The following KIF21A variants were observed in gnomAD, a reference collection of about 807,000 sequenced individuals.
KIF21A encodes kinesin-like protein KIF21A.
KIF21A carries 114 observed loss-of-function variants against 202.9 expected under a neutral mutation model. The ratio of observed to expected loss-of-function variants is 0.56; its 90% CI spans 0.48 to 0.66. The LOEUF is 0.66. Among genes scored for constraint, KIF21A ranks in the 30% least tolerant of loss-of-function variants. KIF21A has a pLI of 0.00. For missense variants in KIF21A, 1,677 were observed against 1,994.9 expected, an observed-to-expected ratio of 0.84 and a Z score of 3.04; for synonymous variants, 667 against 670.8, an observed-to-expected ratio of 0.99 and a Z score of 0.09.
chr12:39,370,180 G>T lies in KIF21A; in HGVS notation c.126C>A (p.Phe42Leu). The T allele has an allele frequency of 6.2e-7, 1 of 1,613,618 alleles. No individual in the cohort carries two copies. ...TSVTPGEPQV[F>L]LGKDKAFTFD... The stretch of plus-strand genomic sequence containing the variant: ...AAGTAAAAGCCTTATCTTTCCCTAG[G>T]AAGACCTGAGGCTCTCCTGGTGTGA... The change falls in exon 2 of 38, where the codon TTC becomes TTA. Residue 42 changes from phenylalanine (F) to leucine (L), a missense_variant. Coordinates refer to ENST00000361418, the MANE Select transcript of KIF21A (RefSeq NM_001173464.2).
chr12:39,357,256 G>A lies in KIF21A; in HGVS notation c.1397C>T (p.Ala466Val), dbSNP rs778178203. Residue 466 changes from alanine to valine, a missense_variant, in exon 9 of 38, where the codon GCC becomes GTC. Ala to Val is a moderately conservative substitution (Grantham distance 64). This residue lies in a region of KIF21A where 966 missense variants were observed against 1,180.9 expected (regional missense o/e 0.82). Transcript: ENST00000361418. ...LVSDQANHVL[A>V]RAGEGNEEIS... ...CCACCCTACCCACATACCTGCTCTG[G>A]CAAGAACATGGTTGGCCTGATCACT... is the stretch of plus-strand genomic sequence containing the variant. 6.2e-7 allele frequency: 1 copy of A among 1,613,920 alleles called. No homozygotes were observed. Among genetic ancestry groups the A allele is most frequent in the Admixed American group, 1.7e-5 (1 of 60,012 alleles).
At chr12:39,434,179 T>C (rs1938358473) in intron 1 of KIF21A, among the ~76,000 whole-genome samples, 1 of 152,188 alleles carries the variant, frequency 6.6e-6, no homozygotes, top group African/African-American at 2.4e-5. Flanking sequence ...GCACGGTCTT[T>C]CTTGCTGCCT....
intron 1 of KIF21A, among the ~76,000 whole-genome samples, chr12:39,441,650 C>T (rs1374429092): frequency 1.7e-4 from 2 of 11,768 alleles, no homozygotes; most frequent in East Asian, 1.2e-3. Context: ...ACTGTCACCT[C>T]CCTGGGTGGT....
At chr12:39,335,733 T>C (rs1946908301) in intron 17 of KIF21A, among the ~76,000 whole-genome samples, 1 of 152,230 alleles carries the variant, frequency 6.6e-6, no homozygotes, top group Non-Finnish European at 1.5e-5. Flanking sequence ...TGTTAGAATG[T>C]GCTTCTACTT....
intron 1 of KIF21A, among the ~76,000 whole-genome samples, chr12:39,435,231 G>A (rs562475169): frequency 6.6e-6 from 1 of 152,304 alleles, no homozygotes; most frequent in Admixed American, 6.5e-5. Flanking sequence ...AATCCTGAAT[G>A]ACCTTTATTA....
intron 1 of KIF21A, among the ~76,000 whole-genome samples, chr12:39,372,859 C>T (rs192923437): frequency 6.6e-5 from 10 of 152,248 alleles, no homozygotes; most frequent in East Asian, 1.9e-4. Context: ...ATTGTTGCCA[C>T]GCCAGAAATA....
At chr12:39,439,746 C>A (rs923447160) in intron 1 of KIF21A, among the ~76,000 whole-genome samples, 2 of 152,092 alleles carry the variant, frequency 1.3e-5, no homozygotes, top group African/African-American at 4.8e-5. Context: ...CTGAAAGAAA[C>A]CCCACAGAAC....
intron 17 of KIF21A, among the ~76,000 whole-genome samples, chr12:39,335,661 T>G (rs1946901860): frequency 6.6e-6 from 1 of 152,154 alleles, no homozygotes. Context: ...AAAAGGTAAA[T>G]TTTAGGATAA....
In KIF21A at chr12:39,318,183, T is replaced by C. The variant is rs747660559; in HGVS notation, c.3798A>G (p.Ser1266=). The C allele has an allele frequency of 1.9e-6, 3 of 1,613,490 alleles. No homozygotes were observed. Among genetic ancestry groups the C allele is most frequent in the Non-Finnish European group, 2.5e-6 (3 of 1,179,516 alleles). The change falls in exon 29 of 38, where the codon TCA becomes TCG. Residue 1266 remains serine, a synonymous_variant. Transcript: ENST00000361418. ...AAGAAGGAGGTGAAAGACTAGCCTC[T>C]GAAGTTCCAGAATCTGAGCTACAAG... The part of the protein sequence containing the change: ...KEQKHSDSGT[S]EASLSPPSSP...
chr12:39,360,880 T>C (rs1949155962), intron 7 of KIF21A, among the ~76,000 whole-genome samples: 2 of 152,242 alleles, frequency 1.3e-5, no homozygotes, highest in Non-Finnish European at 2.9e-5. Context: ...GTCTAATTTT[T>C]CTTTTAAGTT....
chr12:39,366,500 A>G lies in KIF21A; in HGVS notation c.753T>C (p.Asn251=). The G allele has an allele frequency of 6.2e-7, 1 of 1,608,356 alleles. No individual in the cohort carries two copies. Among genetic ancestry groups the G allele is most frequent in the Non-Finnish European group, 8.5e-7 (1 of 1,174,996 alleles). ...PQIDADNATD[N]KIISESAQMN... is the part of the protein sequence containing the mutation. ...TCTGTGCTGATTCAGAAATAATTTT[A>G]TTATCAGTTGCATTGTCCTGAAATT... The change falls in exon 6 of 38, where the codon AAT becomes AAC. Residue 251 remains asparagine, a synonymous_variant. Coordinates refer to ENST00000361418, the MANE Select transcript of KIF21A (RefSeq NM_001173464.2).
intron 11 of KIF21A, among the ~76,000 whole-genome samples, chr12:39,351,276 C>T (rs1167670136): frequency 5.9e-5 from 9 of 152,052 alleles, no homozygotes; most frequent in African/African-American, 2.2e-4. Flanking sequence ...ATAATTTTCA[C>T]ATAATCAAAT....
intron 1 of KIF21A, among the ~76,000 whole-genome samples, chr12:39,415,548 C>G (rs1592640185): frequency 6.6e-6 from 1 of 152,272 alleles, no homozygotes; most frequent in East Asian, 1.9e-4. Context: ...TGAGCCGCCG[C>G]GCCCGGCCGA....
intron 16 of KIF21A, among the ~76,000 whole-genome samples, chr12:39,337,896 C>T (rs750925488): frequency 5.9e-5 from 9 of 152,114 alleles, no homozygotes; most frequent in Admixed American, 1.3e-4. Context: ...TGCTGCTAGT[C>T]ATATTAAGTA....
intron 30 of KIF21A, 103 bp from the exon 31 acceptor site, chr12:39,315,343 G>C (rs1398607186): frequency 9.5e-7 from 1 of 1,056,270 alleles, no homozygotes; most frequent in Non-Finnish European, 1.4e-6. Flanking sequence ...GAGAGAAAGA[G>C]AAAGAGAAGT....
chr12:39,441,548 T>C (rs1284611746), intron 1 of KIF21A, among the ~76,000 whole-genome samples: 1 of 150,278 alleles, frequency 6.7e-6, no homozygotes, highest in Admixed American at 6.7e-5. Context: ...AACAGACTAA[T>C]CTAACAATTG....
chr12:39,407,403 C>A (rs1339260096), intron 1 of KIF21A, among the ~76,000 whole-genome samples: 2 of 152,146 alleles, frequency 1.3e-5, no homozygotes. Context: ...ATTCCTCATT[C>A]TCTCCTGTAC....
chr12:39,322,676 T>C lies in KIF21A; in HGVS notation c.3663A>G (p.Ile1221Met). The stretch of plus-strand genomic sequence containing the variant: ...AGCTGGGCCAAACTTACATGCTGCC[T>C]ATCTTAGAAGGTAAGCCAGGTGGGG... ...LSPPPGLPSKIGSISRQSSLS... is the reference protein window; with the variant it reads ...LSPPPGLPSKMGSISRQSSLS... Residue 1221 changes from isoleucine (I) to methionine (M), a missense_variant, in exon 27 of 38, where the codon ATA becomes ATG. Physicochemically the swap from Ile to Met is conservative, Grantham distance 10. Coordinates refer to ENST00000361418, the MANE Select transcript of KIF21A (RefSeq NM_001173464.2). The C allele has an allele frequency of 6.2e-7, 1 of 1,614,008 alleles. No homozygotes were observed. Among genetic ancestry groups the C allele is most frequent in the Non-Finnish European group, 8.5e-7 (1 of 1,179,868 alleles).
At chr12:39,415,517 A>G (rs985621554) in intron 1 of KIF21A, among the ~76,000 whole-genome samples, 1 of 152,028 alleles carries the variant, frequency 6.6e-6, no homozygotes, top group Admixed American at 6.6e-5. Context: ...TCGGCCTCCC[A>G]AAGTGCTGGG....
Sources: allele counts gnomAD v4.1 joint callset (sites outside exome capture counted in the v4.1 genomes callset), GRCh38; gene constraint gnomAD v4.1.1; regional missense constraint gnomAD v4.1.1; transcripts MANE v1.5; gene names NCBI Gene and HGNC (gene_info 2026-07-23, HGNC 2026-07-21).